OR14A2: variants seen among roughly 807,000 people sequenced by gnomAD.
OR14A2 encodes the protein olfactory receptor 14A2.
For synonymous variants in OR14A2, 114 were observed against 58.6 expected, an observed-to-expected ratio of 1.95 and a Z score of -4.32; for missense variants, 237 against 152.9, an observed-to-expected ratio of 1.55 and a Z score of -2.90.
At chr1:247,739,875 A>G in the OR14A2 span, among the ~76,000 whole-genome samples, 3 of 151,768 alleles carry the variant, frequency 2.0e-5, no homozygotes, top group Non-Finnish European at 2.9e-5. Context: ...ACGCCCAGCT[A>G]TTTGTTTGTG....
At chr1:247,728,162 C>T (rs1271858050), upstream of OR14A2, among the ~76,000 whole-genome samples, 1 of 151,932 alleles carries the variant, frequency 6.6e-6, no homozygotes, top group East Asian at 1.9e-4. Flanking sequence ...AACATTGATG[C>T]AAAAATCCTC....
At chr1:247,742,474 A>G in the OR14A2 span, among the ~76,000 whole-genome samples, 2 of 152,116 alleles carry the variant, frequency 1.3e-5, no homozygotes, top group Non-Finnish European at 2.9e-5. Context: ...ACACACGCAC[A>G]CACACACACC....
chr1:247,724,574 C>G (rs559795026), upstream of OR14A2, among the ~76,000 whole-genome samples: 32 of 152,242 alleles, frequency 2.1e-4, no homozygotes, highest in African/African-American at 7.7e-4. Flanking sequence ...ATAACCTTCT[C>G]TATTCTAATG....
the OR14A2 span, among the ~76,000 whole-genome samples, chr1:247,729,627 AT>A: frequency 6.6e-6 from 1 of 151,984 alleles, no homozygotes; most frequent in Admixed American, 6.6e-5. Context: ...TAGTTATTTC[AT>A]TTGATTTGGT....
At chr1:247,731,845 T>C in the OR14A2 span, among the ~76,000 whole-genome samples, 5 of 152,168 alleles carry the variant, frequency 3.3e-5, no homozygotes, top group African/African-American at 4.8e-5. Context: ...CTGGTTCATC[T>C]TGAGTTTGGC....
chr1:247,738,635 G>A, the OR14A2 span: 1 of 780,048 alleles, frequency 1.3e-6, no homozygotes, highest in Non-Finnish European at 2.4e-6. Context: ...AGACACAGAT[G>A]ATGGAATTCT....
the OR14A2 span, among the ~76,000 whole-genome samples, chr1:247,735,074 C>G: frequency 6.6e-6 from 1 of 152,194 alleles, no homozygotes; most frequent in Admixed American, 6.5e-5. Context: ...GAGGATGCCC[C>G]TGGCATCACT....
chr1:247,743,581 T>C, the OR14A2 span, among the ~76,000 whole-genome samples: 1 of 152,218 alleles, frequency 6.6e-6, no homozygotes. Context: ...ATTATGTATT[T>C]AAGATGCATT....
the OR14A2 span, among the ~76,000 whole-genome samples, chr1:247,731,355 C>T: frequency 6.6e-6 from 1 of 151,896 alleles, no homozygotes; most frequent in Admixed American, 6.6e-5. Flanking sequence ...TATTTTTTCC[C>T]TTTATGTAAT....
the OR14A2 span, among the ~76,000 whole-genome samples, chr1:247,729,857 A>G: frequency 6.6e-6 from 1 of 152,046 alleles, no homozygotes; most frequent in East Asian, 1.9e-4. Context: ...TTTCAATTTT[A>G]CAAAAAAAGA....
chr1:247,723,204 A>G, exon 1 of OR14A2: 1 of 717,762 alleles, frequency 1.4e-6, no homozygotes, highest in Non-Finnish European at 2.6e-6. Context: ...TAAATACTGG[A>G]GGCATCACAG....
At chr1:247,745,560 C>T in the OR14A2 span, among the ~76,000 whole-genome samples, 1 of 151,874 alleles carries the variant, frequency 6.6e-6, no homozygotes, top group South Asian at 2.1e-4. Context: ...AAAATGTAAT[C>T]ACAAAAAGAG....
chr1:247,739,209 GCCA>G, the OR14A2 span: 4 of 780,848 alleles, frequency 5.1e-6, no homozygotes, highest in Non-Finnish European at 9.6e-6. Context: ...TGTCAGTGTG[GCCA>G]TTGGGGTCTG....
upstream of OR14A2, among the ~76,000 whole-genome samples, chr1:247,724,200 T>C (rs1660280570): frequency 6.6e-6 from 1 of 151,996 alleles, no homozygotes; most frequent in Non-Finnish European, 1.5e-5. Context: ...CTAAAATGGC[T>C]CTCCATTTAC....
chr1:247,731,875 A>C, the OR14A2 span, among the ~76,000 whole-genome samples: 1 of 152,006 alleles, frequency 6.6e-6, no homozygotes, highest in African/African-American at 2.4e-5. Context: ...TTTTCTTTTC[A>C]CATCTTAGTG....
chr1:247,738,774 C>T, the OR14A2 span: 1 of 780,818 alleles, frequency 1.3e-6, no homozygotes. Context: ...CCATCGTCTC[C>T]ACATGGCAAT....
At chr1:247,731,579 T>G in the OR14A2 span, among the ~76,000 whole-genome samples, 1 of 152,064 alleles carries the variant, frequency 6.6e-6, no homozygotes, top group African/African-American at 2.4e-5. Context: ...TTCTTTTTTT[T>G]TCTCCTTCCA....
chr1:247,739,663 T>G, the OR14A2 span: 2 of 615,548 alleles, frequency 3.2e-6, no homozygotes, highest in South Asian at 4.1e-5. Context: ...CATGGAGTCT[T>G]GCTACTGATA....
At chr1:247,736,127 C>T in the OR14A2 span, among the ~76,000 whole-genome samples, 3 of 151,496 alleles carry the variant, frequency 2.0e-5, no homozygotes, top group Non-Finnish European at 2.9e-5. Context: ...AAACATTTTC[C>T]GGAGCTGAAG....
Sources: allele counts gnomAD v4.1 joint callset (sites outside exome capture counted in the v4.1 genomes callset), GRCh38; gene constraint gnomAD v4.1.1; transcripts MANE v1.5; gene names NCBI Gene and HGNC (gene_info 2026-07-23, HGNC 2026-07-21).